LOXHD1: variants seen among roughly 807,000 people sequenced by gnomAD.
The protein encoded by LOXHD1 is lipoxygenase homology domain-containing protein 1.
A neutral mutation model predicts 248.2 loss-of-function variants in LOXHD1; 205 were observed. That is an observed-to-expected ratio of 0.83 (90% CI 0.74 to 0.93). LOXHD1 has a LOEUF of 0.93. Among genes scored for constraint, LOXHD1 ranks in the 40% least tolerant of loss-of-function variants. LOXHD1 has a pLI of 0.00. For missense variants in LOXHD1, 2,930 were observed against 2,971.6 expected (o/e 0.99, Z 0.33); for synonymous variants, 1,113 against 1,162.8 (o/e 0.96, Z 0.87).
At chr18:46,595,128 A>C (rs890717717) in intron 8 of LOXHD1, among the ~76,000 whole-genome samples, 1 of 152,212 alleles carries the variant, frequency 6.6e-6, no homozygotes, top group Non-Finnish European at 1.5e-5. Context: ...CCATCAGTCA[A>C]GGTTTTGACC....
At chr18:46,563,727 G>C (rs1229699197) in intron 17 of LOXHD1, among the ~76,000 whole-genome samples, 2 of 152,196 alleles carry the variant, frequency 1.3e-5, no homozygotes, top group Non-Finnish European at 2.9e-5. Context: ...TCTTTAAAGA[G>C]GTGACTAGTT....
downstream of LOXHD1, chr18:46,477,160 C>G (rs546914298): frequency 6.7e-4 from 482 of 719,008 alleles, 5 homozygotes; most frequent in South Asian, 6.9e-3. Context: ...CCACTTCTAT[C>G]CCCTGGGTGA....
chr18:46,631,703 G>A (rs1242400587), intron 4 of LOXHD1, among the ~76,000 whole-genome samples: 1 of 152,174 alleles, frequency 6.6e-6, no homozygotes, highest in Non-Finnish European at 1.5e-5. Flanking sequence ...AGAACTCTGG[G>A]AACAAGGAGC....
chr18:46,614,787 A>C (rs567981083), intron 5 of LOXHD1, among the ~76,000 whole-genome samples: 4 of 151,928 alleles, frequency 2.6e-5, no homozygotes, highest in African/African-American at 9.6e-5. Context: ...TAATCTGTAC[A>C]TTTCTTTCTC....
chr18:46,511,479 A>G (rs1248131843), intron 34 of LOXHD1, among the ~76,000 whole-genome samples: 1 of 152,084 alleles, frequency 6.6e-6, no homozygotes, highest in Admixed American at 6.5e-5. Context: ...GCTGCCCCTC[A>G]CGTCCTTCCT....
chr18:46,639,851 C>A (rs936728721), intron 3 of LOXHD1, 51 bp from the exon 4 acceptor site: 1 of 1,543,946 alleles, frequency 6.5e-7, no homozygotes, highest in Admixed American at 2.0e-5. Flanking sequence ...TGAAACAGCA[C>A]CCCTTCCATA....
intron 2 of LOXHD1, among the ~76,000 whole-genome samples, chr18:46,648,335 A>G (rs1488619516): frequency 6.6e-6 from 1 of 152,194 alleles, no homozygotes; most frequent in African/African-American, 2.4e-5. Context: ...GAGCTTCACC[A>G]TTGAAAAGCT....
intron 12 of LOXHD1, among the ~76,000 whole-genome samples, chr18:46,584,447 T>C (rs557181946): frequency 8.5e-5 from 13 of 152,294 alleles, no homozygotes; most frequent in Non-Finnish European, 1.6e-4. Context: ...ACAACACTGA[T>C]TGGATCATGA....
At chr18:46,515,839 T>C (rs978410330) in intron 34 of LOXHD1, among the ~76,000 whole-genome samples, 12 of 152,240 alleles carry the variant, frequency 7.9e-5, no homozygotes, top group African/African-American at 2.9e-4. Context: ...TGGTCCAGAA[T>C]GGTCAGGACT....
intron 19 of LOXHD1, 40 bp downstream of exon 19, chr18:46,560,043 G>GCCCCCCCCCCCCCCCCCCCC: frequency 2.1e-6 from 3 of 1,401,426 alleles, no homozygotes; most frequent in Non-Finnish European, 2.0e-6. Flanking sequence ...GAACTGTCTG[G>GCCCCCCCCCCCCCCCCCCCC]CCACTCCCTC....
intron 4 of LOXHD1, among the ~76,000 whole-genome samples, chr18:46,620,759 T>C (rs1259128032): frequency 6.6e-6 from 1 of 152,130 alleles, no homozygotes. Flanking sequence ...CTTTTTAATC[T>C]GCAATTCCTT....
chr18:46,492,903 C>T (rs747995534), intron 37 of LOXHD1, among the ~76,000 whole-genome samples: 31 of 152,288 alleles, frequency 2.0e-4, no homozygotes, highest in Admixed American at 5.2e-4. Context: ...CTTCTACACA[C>T]AATGCTATAA....
chr18:46,641,460 A>AAAGACATGCT (rs1376344062), intron 3 of LOXHD1, among the ~76,000 whole-genome samples: 3 of 152,216 alleles, frequency 2.0e-5, no homozygotes, highest in African/African-American at 7.2e-5. Flanking sequence ...CTCTCTGTCC[A>AAAGACATGCT]AAGACATGCT....
chr18:46,494,416 A>G (rs966251494), intron 37 of LOXHD1, among the ~76,000 whole-genome samples: 2 of 152,188 alleles, frequency 1.3e-5, no homozygotes, highest in Non-Finnish European at 2.9e-5. Flanking sequence ...AAGCAACTCC[A>G]TTCTTGACAA....
In LOXHD1 at chr18:46,546,961, G is replaced by T; in HGVS notation, c.3448C>A (p.Gln1150Lys). 1 of 1,551,750 alleles carries T rather than the reference G, an allele frequency of 6.4e-7. No individual in the cohort carries two copies. Among genetic ancestry groups the T allele is most frequent in the South Asian group, 1.2e-5 (1 of 84,062 alleles). The change falls in exon 22 of 41, where the codon CAG becomes AAG. Residue 1150 changes from glutamine (Q) to lysine (K), a missense_variant. Gln to Lys is a moderately conservative substitution (Grantham distance 53). Transcript: ENST00000642948. ...CCGCCTCCCCTACCCTCCTCGCTCT[G>T]TGGCAGCACATAGGACTCATCCACT... ...LPVDESYVLPQSEEGRGGGDN... is the reference protein window; with the variant it reads ...LPVDESYVLPKSEEGRGGGDN...
chr18:46,616,051 T>C (rs574520489), intron 5 of LOXHD1, among the ~76,000 whole-genome samples: 2 of 152,322 alleles, frequency 1.3e-5, no homozygotes, highest in South Asian at 2.1e-4. Context: ...TTTTATTTCA[T>C]CCCATTTATT....
intron 4 of LOXHD1, among the ~76,000 whole-genome samples, chr18:46,638,141 T>C (rs1478881208): frequency 6.6e-6 from 1 of 152,116 alleles, no homozygotes; most frequent in African/African-American, 2.4e-5. Flanking sequence ...AAACGGGGTG[T>C]TGCACCAGCC....
intron 12 of LOXHD1, among the ~76,000 whole-genome samples, chr18:46,588,511 G>T (rs1250179922): frequency 6.6e-6 from 1 of 152,140 alleles, no homozygotes; most frequent in African/African-American, 2.4e-5. Context: ...AACCTGTAGA[G>T]ATGCTCTTCC....
At position 46,525,019 on chromosome 18, in the gene LOXHD1, C is replaced by G. The variant is rs1305498489; in HGVS notation, c.4531-102G>C. On this transcript the variant is annotated intron_variant, in intron 29 of 40. Transcript: ENST00000642948. The stretch of plus-strand genomic sequence containing the variant: ...CCTTCCTTCCCCCTCAGTTGCTGCA[C>G]TGAACAGACCTTCTTTGCTGGGGAG... 2.3e-6 allele frequency: 3 copies of G among 1,306,340 alleles called. No individual in the cohort carries two copies. The African/African-American group carries it at 4.4e-5, about 19-fold the overall frequency. 80.9% of individuals were successfully genotyped at this position (1,306,340 alleles called of 1,614,324 possible). A position where few individuals can be genotyped will look rare whatever the true frequency, so the allele number is the denominator to read the frequency against.
Sources: allele counts gnomAD v4.1 joint callset (sites outside exome capture counted in the v4.1 genomes callset), GRCh38; gene constraint gnomAD v4.1.1; transcripts MANE v1.5; gene names NCBI Gene and HGNC (gene_info 2026-07-23, HGNC 2026-07-21).